The following CPVL variants were observed in gnomAD, a reference collection of about 807,000 sequenced individuals.
CPVL encodes probable serine carboxypeptidase CPVL.
In CPVL, 51 loss-of-function variants were observed where a neutral mutation model predicts 63.7. The ratio of observed to expected loss-of-function variants is 0.80; its 90% CI spans 0.64 to 1.01. The LOEUF is 1.01. Ranked by LOEUF, CPVL falls within the 50% of genes least tolerant of loss-of-function variation. The probability of loss-of-function intolerance (pLI) is 0.00; values close to 1 mark genes in which losing one functional copy is unlikely to be tolerated. For synonymous variants in CPVL, 195 were observed against 206.0 expected (o/e 0.95, Z 0.46); for missense variants, 530 against 573.1 (o/e 0.92, Z 0.77).
chr7:29,111,542 G>A (rs140071644), intron 3 of CPVL, among the ~76,000 whole-genome samples: 34 of 152,264 alleles, frequency 2.2e-4, no homozygotes, highest in Non-Finnish European at 3.7e-4. Flanking sequence ...CCCTCTCTAG[G>A]GGCCAAGAAA....
intron 7 of CPVL, among the ~76,000 whole-genome samples, chr7:29,074,848 G>A (rs1194743022): frequency 6.7e-6 from 1 of 149,734 alleles, no homozygotes; most frequent in East Asian, 1.9e-4. Flanking sequence ...CCTCATAAAG[G>A]TCACAATTTC....
At chr7:29,147,139 A>G (rs1006969804), upstream of CPVL, 25 of 812,836 alleles carry the variant, frequency 3.1e-5, no homozygotes, top group Admixed American at 6.0e-4. Context: ...ACCTGAGTGT[A>G]TATTATTAGC....
intron 12 of CPVL, among the ~76,000 whole-genome samples, chr7:29,027,501 A>G (rs553747740): frequency 6.6e-6 from 1 of 152,294 alleles, no homozygotes; most frequent in African/African-American, 2.4e-5. Flanking sequence ...AGAAAAAGAA[A>G]CAAAAGGCAT....
intron 3 of CPVL, among the ~76,000 whole-genome samples, chr7:29,097,906 C>G (rs1255628531): frequency 2.0e-5 from 3 of 152,066 alleles, no homozygotes; most frequent in African/African-American, 4.8e-5. Context: ...ACAAGGGAAA[C>G]CCTCTCACCA....
chr7:29,132,266 T>C (rs1790772396), intron 1 of CPVL, among the ~76,000 whole-genome samples: 1 of 152,124 alleles, frequency 6.6e-6, no homozygotes, highest in Non-Finnish European at 1.5e-5. Flanking sequence ...GGGGGCCAGG[T>C]GAGCGATGGT....
At chr7:29,032,961 T>G (rs998066813) in intron 11 of CPVL, among the ~76,000 whole-genome samples, 2 of 152,212 alleles carry the variant, frequency 1.3e-5, no homozygotes, top group Middle Eastern at 3.2e-3. Flanking sequence ...CTTATCTTGT[T>G]AGTCAAGACT....
At chr7:29,014,322 TTTTTG>T (rs201447528) in intron 12 of CPVL, among the ~76,000 whole-genome samples, 1,784 of 152,100 alleles carry the variant, frequency 0.012, 11 homozygotes, top group African/African-American at 0.016. Flanking sequence ...AAGCCAAAGC[TTTTTG>T]TTTTGTTTTG....
intron 11 of CPVL, among the ~76,000 whole-genome samples, chr7:29,045,855 C>T (rs1253404318): frequency 6.6e-6 from 1 of 152,114 alleles, no homozygotes; most frequent in Non-Finnish European, 1.5e-5. Context: ...TTCTAAGTCA[C>T]ATTTATTACT....
chr7:29,055,000 CTTG>C (rs1446292768), intron 11 of CPVL, among the ~76,000 whole-genome samples: 1 of 152,122 alleles, frequency 6.6e-6, no homozygotes, highest in African/African-American at 2.4e-5. Flanking sequence ...TCATTTATTG[CTTG>C]TTTTGTAACT....
chr7:29,151,266 C>CT (rs1793555992), upstream of CPVL, among the ~76,000 whole-genome samples: 1 of 152,168 alleles, frequency 6.6e-6, no homozygotes, highest in Non-Finnish European at 1.5e-5. Flanking sequence ...TGCTTGCCTC[C>CT]TTATGCCTGG....
intron 1 of CPVL, among the ~76,000 whole-genome samples, chr7:29,130,482 G>A (rs1790569712): frequency 6.6e-6 from 1 of 152,142 alleles, no homozygotes; most frequent in African/African-American, 2.4e-5. Context: ...ACAATTAAAT[G>A]GGCTCCCTTG....
intron 11 of CPVL, among the ~76,000 whole-genome samples, chr7:29,054,874 G>A (rs1790546747): frequency 6.6e-6 from 1 of 152,058 alleles, no homozygotes; most frequent in Non-Finnish European, 1.5e-5. Context: ...CTTCAGCACT[G>A]TCTAATCTAC....
chr7:29,040,012 T>C (rs962125470), intron 11 of CPVL, among the ~76,000 whole-genome samples: 7 of 152,198 alleles, frequency 4.6e-5, no homozygotes, highest in Non-Finnish European at 1.0e-4. Flanking sequence ...TATTCCAGGC[T>C]GCACAGCATT....
intron 12 of CPVL, among the ~76,000 whole-genome samples, chr7:29,021,442 A>T (rs1786967005): frequency 6.6e-6 from 1 of 152,162 alleles, no homozygotes; most frequent in Non-Finnish European, 1.5e-5. Context: ...CAAATAGAAC[A>T]TCTAAAGAAA....
intron 2 of CPVL, among the ~76,000 whole-genome samples, chr7:29,120,622 G>C (rs559631277): frequency 1.5e-4 from 22 of 150,842 alleles, no homozygotes; most frequent in Admixed American, 1.4e-3. Flanking sequence ...AAGAGATCGA[G>C]ACCATCCTGG....
At chr7:29,174,571 A>G (rs1191028162) in intron 5 of CPVL, among the ~76,000 whole-genome samples, 1 of 152,132 alleles carries the variant, frequency 6.6e-6, no homozygotes, top group African/African-American at 2.4e-5. Context: ...TGATTAAACA[A>G]TTTTGAGAGT....
chr7:29,068,111 T>C lies in CPVL; in HGVS notation c.865-1990A>G, dbSNP rs942748916. ...CTTCTGCCTCCCGGATTCAAGCAAT[T>C]CTCCTGCCTCAGCCTCCCGAGTACC... On this transcript the variant is annotated intron_variant, in intron 9 of 12. Transcript: ENST00000265394. Among the ~76,000 whole-genome samples, 3 of 151,554 alleles carry C rather than the reference T, an allele frequency of 2.0e-5. No homozygotes were observed. The South Asian group carries it at 6.3e-4, about 32-fold the overall frequency.
intron 1 of CPVL, chr7:29,193,116 T>G (rs1170610144): frequency 1.3e-5 from 2 of 152,216 alleles, no homozygotes; most frequent in Non-Finnish European, 2.9e-5. Flanking sequence ...CAGGGCTGTT[T>G]CAAGGTCCAT....
chr7:29,120,450 T>A (rs983388313), intron 2 of CPVL, among the ~76,000 whole-genome samples: 3 of 150,824 alleles, frequency 2.0e-5, no homozygotes, highest in Non-Finnish European at 3.0e-5. Context: ...ACAAACAAAA[T>A]ATATATATAT....
Sources: gnomAD v4.1 joint callset for allele counts (sites outside exome capture counted in the v4.1 genomes callset) on GRCh38, gnomAD v4.1.1 for gene constraint, MANE v1.5 for transcripts, NCBI Gene and HGNC (gene_info 2026-07-23, HGNC 2026-07-21) for gene names.